CACNA1E: variants seen among roughly 807,000 people sequenced by gnomAD.
CACNA1E encodes the protein calcium voltage-gated channel subunit alpha1 E, also known as voltage-dependent R-type calcium channel subunit alpha-1E.
Under a neutral mutation model 259.2 loss-of-function variants are expected in CACNA1E, and 40 were observed. The ratio of observed to expected loss-of-function variants is 0.15; its 90% CI spans 0.12 to 0.20. The LOEUF is 0.20. CACNA1E is among the 10% of genes least tolerant of loss of function. The probability of loss-of-function intolerance (pLI) is 1.00; values close to 1 mark genes in which losing one functional copy is unlikely to be tolerated. For missense variants in CACNA1E, 1,874 were observed against 3,040.1 expected (o/e 0.62, Z 9.02); for synonymous variants, 1,104 against 1,138.5 (o/e 0.97, Z 0.61).
At chr1:181,518,675 T>C (rs2102662218) in intron 3 of CACNA1E, among the ~76,000 whole-genome samples, 1 of 152,266 alleles carries the variant, frequency 6.6e-6, no homozygotes, top group South Asian at 2.1e-4. Context: ...GGGAATTTTT[T>C]CTCATGTATG....
chr1:181,343,494 T>C (rs1652337904), intron 1 of CACNA1E, among the ~76,000 whole-genome samples: 1 of 151,992 alleles, frequency 6.6e-6, no homozygotes, highest in African/African-American at 2.4e-5. Flanking sequence ...CCCCTTTCCC[T>C]TCTACCGTGA....
Position 181,800,778 on chromosome 1 carries a change from T to A in CACNA1E, c.*1944T>A, listed in dbSNP as rs551723043. The A allele has an allele frequency of 6.5e-6, 1 of 152,774 alleles. No homozygotes were observed. Among genetic ancestry groups the A allele is most frequent in the South Asian group, 2.1e-4 (1 of 4,824 alleles). The allele number at this position is 152,774 out of a possible 1,614,324, so 9.5% of individuals were successfully genotyped here. On this transcript the variant is annotated 3_prime_UTR_variant, in exon 48 of 48. Transcript: ENST00000367573. Reference sequence around the variant, plus strand: ...CTGCATCAGCCCTGAAAAGCCAAATTCAACCACATGGCTGGAGAATCATTT... The same window carrying A: ...CTGCATCAGCCCTGAAAAGCCAAATACAACCACATGGCTGGAGAATCATTT...
chr1:181,568,300 C>T (rs1031387181), intron 3 of CACNA1E, among the ~76,000 whole-genome samples: 2 of 152,130 alleles, frequency 1.3e-5, no homozygotes, highest in African/African-American at 2.4e-5. Flanking sequence ...GCACAGCCGC[C>T]CCAGGAATGG....
intron 1 of CACNA1E, among the ~76,000 whole-genome samples, chr1:181,351,183 C>T (rs564680982): frequency 5.3e-5 from 8 of 152,258 alleles, no homozygotes; most frequent in African/African-American, 1.7e-4. Flanking sequence ...TTGAGGAGGA[C>T]GGGTAGGTCT....
rs569785400 is a variant in CACNA1E at position 181,485,420 on chromosome 1, C to A, written c.266+1410C>A. On this transcript the variant is annotated intron_variant, in intron 1 of 47. Coordinates refer to ENST00000367573, the MANE Select transcript of CACNA1E (RefSeq NM_001205293.3). The surrounding 1 kb of genome is among the most constrained non-coding windows in gnomAD (Gnocchi z 4.2). ...GCGTGGTGCTTCTAGGCAGCACCCC[C>A]TCATTAGAAACGAAGGAGCATCTCT... Among the ~76,000 whole-genome samples, 1 of 152,302 alleles carries A rather than the reference C, an allele frequency of 6.6e-6. No homozygotes were observed. The highest frequency in any genetic ancestry group is 6.5e-5 in the Admixed American group (1 of 15,312).
At chr1:181,490,337 T>A (rs1020513918) in intron 1 of CACNA1E, among the ~76,000 whole-genome samples, 1 of 152,036 alleles carries the variant, frequency 6.6e-6, no homozygotes, top group Non-Finnish European at 1.5e-5. Context: ...AGCTCCAAAT[T>A]TGTAGGACTA....
chr1:181,480,551 G>A (rs1663165427), upstream of CACNA1E, among the ~76,000 whole-genome samples: 1 of 152,214 alleles, frequency 6.6e-6, no homozygotes, highest in Non-Finnish European at 1.5e-5. Flanking sequence ...AACAGCCAAA[G>A]AGAATACAGG....
intron 18 of CACNA1E, 28 bp downstream of exon 18, chr1:181,726,190 C>G: frequency 2.0e-6 from 3 of 1,502,276 alleles, no homozygotes; most frequent in Non-Finnish European, 2.8e-6. Context: ...TTCACTGATC[C>G]CTGAGCTCCT....
At chr1:181,544,493 T>C (rs1216736130) in intron 3 of CACNA1E, among the ~76,000 whole-genome samples, 2 of 152,128 alleles carry the variant, frequency 1.3e-5, no homozygotes, top group Non-Finnish European at 2.9e-5. Context: ...AAAATGCATA[T>C]AGCTTCTAAA....
chr1:181,770,416 G>A (rs1659404701), intron 35 of CACNA1E, among the ~76,000 whole-genome samples: 1 of 152,172 alleles, frequency 6.6e-6, no homozygotes, highest in Non-Finnish European at 1.5e-5. Flanking sequence ...AGTCTCTGTG[G>A]ATAAAGATCT....
At chr1:181,397,286 T>C (rs1273260732) in intron 1 of CACNA1E, among the ~76,000 whole-genome samples, 1 of 152,216 alleles carries the variant, frequency 6.6e-6, no homozygotes, top group African/African-American at 2.4e-5. Context: ...ATGGGAACTC[T>C]GTCCTGAACC....
intron 3 of CACNA1E, among the ~76,000 whole-genome samples, chr1:181,567,665 A>G (rs933454893): frequency 6.6e-6 from 1 of 152,186 alleles, no homozygotes; most frequent in African/African-American, 2.4e-5. Context: ...GTTCTTGGAA[A>G]AGCACAGCAA....
intron 1 of CACNA1E, among the ~76,000 whole-genome samples, chr1:181,383,970 C>T (rs1168373331): frequency 6.6e-6 from 1 of 152,250 alleles, no homozygotes; most frequent in Non-Finnish European, 1.5e-5. Flanking sequence ...ACTTTCCATG[C>T]CTCTGCTATC....
At chr1:181,419,524 A>G (rs1658558241) in intron 2 of CACNA1E, among the ~76,000 whole-genome samples, 1 of 152,112 alleles carries the variant, frequency 6.6e-6, no homozygotes, top group Admixed American at 6.6e-5. Flanking sequence ...ATTTTTCATC[A>G]TAGCCCTTAT....
In CACNA1E at chr1:181,698,453, TCAATGC is replaced by T. The variant is rs1275021070; in HGVS notation, c.1056-12498_1056-12493del. On this transcript the variant is annotated intron_variant, in intron 7 of 47. Transcript: ENST00000367573. The stretch of plus-strand genomic sequence containing the variant: ...CAGCTCAGTGAAGTTGCAGTTTTTA[TCAATGC>T]CATTTATTAGGAAATTGAACTTCAG... Among the ~76,000 whole-genome samples the T allele has an allele frequency of 6.6e-5, 10 of 152,320 alleles. No individual in the cohort carries two copies. In the East Asian group the frequency reaches 1.7e-3, roughly 26 times the overall value.
At chr1:181,675,543 A>G (rs915138521) in intron 7 of CACNA1E, among the ~76,000 whole-genome samples, 2 of 152,214 alleles carry the variant, frequency 1.3e-5, no homozygotes, top group African/African-American at 4.8e-5. Flanking sequence ...GAGGAGGAGA[A>G]ATAAACTTTG....
intron 6 of CACNA1E, among the ~76,000 whole-genome samples, chr1:181,582,812 A>G (rs1431446127): frequency 6.6e-6 from 1 of 152,156 alleles, no homozygotes; most frequent in Non-Finnish European, 1.5e-5. Flanking sequence ...TGTCAACCAC[A>G]GGTTTAGAAG....
At chr1:181,466,207 A>G (rs573503940) in intron 2 of CACNA1E, among the ~76,000 whole-genome samples, 1 of 152,284 alleles carries the variant, frequency 6.6e-6, no homozygotes, top group East Asian at 1.9e-4. Context: ...CTGTCCACAT[A>G]AGGTCTAAAG....
chr1:181,617,274 T>C (rs1264413405), intron 6 of CACNA1E, among the ~76,000 whole-genome samples: 1 of 151,244 alleles, frequency 6.6e-6, no homozygotes, highest in Non-Finnish European at 1.5e-5. Context: ...GTATTTCTTA[T>C]GAGCAGCATT....
Sources: gnomAD v4.1 joint callset for allele counts (sites outside exome capture counted in the v4.1 genomes callset) on GRCh38, gnomAD v4.1.1 for gene constraint, Gnocchi (gnomAD v3.1) non-coding constraint, MANE v1.5 for transcripts, NCBI Gene and HGNC (gene_info 2026-07-23, HGNC 2026-07-21) for gene names.